Variants in STPG2 observed in about 807,000 individuals in gnomAD.
STPG2 encodes the protein sperm-tail PG-rich repeat-containing protein 2.
In STPG2, 56 loss-of-function variants were observed where a neutral mutation model predicts 54.2. That is an observed-to-expected ratio of 1.03 (90% CI 0.83 to 1.29). STPG2 has a LOEUF of 1.29. Among genes scored for constraint, STPG2 ranks in the 50% most tolerant of loss-of-function variants. The pLI, the probability that STPG2 is intolerant of heterozygous loss-of-function variation, is 0.00. For synonymous variants in STPG2, 200 were observed against 181.8 expected (o/e 1.10, Z -0.81); for missense variants, 596 against 544.9 (o/e 1.09, Z -0.93).
intron 5 of STPG2, among the ~76,000 whole-genome samples, chr4:98,102,513 T>TA (rs35666488): frequency 0.39 from 59,274 of 151,622 alleles, 11,827 homozygotes; most frequent in Middle Eastern, 0.46. Flanking sequence ...TTCCTTTTCA[T>TA]AAAAAAAGAG....
chr4:98,021,728 T>A (rs541605447), intron 5 of STPG2, among the ~76,000 whole-genome samples: 32 of 152,054 alleles, frequency 2.1e-4, no homozygotes, highest in African/African-American at 7.0e-4. Context: ...ATATTTAGGA[T>A]AGTTAGCTCT....
At chr4:97,594,133 G>C (rs556783332) in intron 10 of STPG2, among the ~76,000 whole-genome samples, 2 of 152,272 alleles carry the variant, frequency 1.3e-5, no homozygotes, top group Admixed American at 6.5e-5. Flanking sequence ...CCCCAGCAAT[G>C]GTTTTTAACA....
At chr4:97,498,617 G>T (rs1469354723) in intron 4 of STPG2, among the ~76,000 whole-genome samples, 1 of 145,590 alleles carries the variant, frequency 6.9e-6, no homozygotes, top group Non-Finnish European at 1.5e-5. Context: ...AAAGCAACCT[G>T]AAAAAAAAAA....
chr4:98,070,843 T>C (rs745686890), intron 5 of STPG2, among the ~76,000 whole-genome samples: 1 of 152,070 alleles, frequency 6.6e-6, no homozygotes, highest in African/African-American at 2.4e-5. Context: ...TACAAACCAC[T>C]GCTTAAGGAA....
intron 10 of STPG2, among the ~76,000 whole-genome samples, chr4:97,691,514 C>T (rs1034173445): frequency 1.3e-5 from 2 of 152,030 alleles, no homozygotes; most frequent in South Asian, 4.1e-4. Context: ...TCACAGCAGA[C>T]CCAGCAAGCC....
intron 5 of STPG2, among the ~76,000 whole-genome samples, chr4:98,023,493 A>C (rs1461270826): frequency 6.6e-6 from 1 of 152,158 alleles, no homozygotes; most frequent in African/African-American, 2.4e-5. Context: ...GAACCACTTG[A>C]GGAGACAGTC....
At chr4:98,021,589 A>G (rs1167248073) in intron 5 of STPG2, among the ~76,000 whole-genome samples, 1 of 152,066 alleles carries the variant, frequency 6.6e-6, no homozygotes, top group African/African-American at 2.4e-5. Context: ...TTTCTGTCTC[A>G]TTGATCGGTC....
intron 9 of STPG2, among the ~76,000 whole-genome samples, chr4:97,739,845 C>A (rs1725160954): frequency 6.6e-6 from 1 of 151,990 alleles, no homozygotes; most frequent in African/African-American, 2.4e-5. Context: ...AAGAGGGAAT[C>A]CTCCCTAACT....
In STPG2 at chr4:97,480,496, A is replaced by C. The variant is rs529724366; in HGVS notation, c.462+232203T>G. Among the ~76,000 whole-genome samples the C allele has an allele frequency of 3.3e-5, 5 of 151,688 alleles. No individual in the cohort carries two copies. The South Asian group carries it at 8.3e-4, about 25-fold the overall frequency. On this transcript the variant is annotated intron_variant, in intron 4 of 4. Transcript: ENST00000522676. ...AATACCTCAATACAAAAACCAGATA[A>C]AAACATTATAAAAAACATATTGGTC... is the stretch of plus-strand genomic sequence containing the variant.
chr4:98,113,227 C>A (rs764668363), intron 3 of STPG2, among the ~76,000 whole-genome samples: 3 of 152,008 alleles, frequency 2.0e-5, no homozygotes, highest in Non-Finnish European at 2.9e-5. Context: ...TGGCAAGAGA[C>A]TGAAGTGCCT....
chr4:97,448,596 C>T (rs560021625), intron 4 of STPG2, among the ~76,000 whole-genome samples: 1 of 152,272 alleles, frequency 6.6e-6, no homozygotes, highest in Admixed American at 6.5e-5. Context: ...GTACTTGCTT[C>T]TCATATGCCT....
chr4:97,681,809 ATGTC>A lies in STPG2; in HGVS notation c.1320+30886_1320+30889del, dbSNP rs548163161. Among the ~76,000 whole-genome samples, 233 of 151,774 alleles carry A rather than the reference ATGTC, an allele frequency of 1.5e-3. 1 individual carries two copies. Among genetic ancestry groups the A allele is most frequent in the South Asian group, 1.0e-2 (48 of 4,808 alleles). ...TTTAATGTATTTTTATGTCCTGTTG[ATGTC>A]TGTCTTTTTCTTCTGTGATGTAACA... On this transcript the variant is annotated intron_variant, in intron 10 of 10. Transcript: ENST00000295268.
intron 9 of STPG2, among the ~76,000 whole-genome samples, chr4:97,742,105 A>G (rs1364863057): frequency 1.3e-5 from 2 of 152,028 alleles, no homozygotes; most frequent in Non-Finnish European, 2.9e-5. Flanking sequence ...TCAGTAAACT[A>G]TCGCAAGAAA....
chr4:97,784,175 A>G (rs1389667232), intron 9 of STPG2, among the ~76,000 whole-genome samples: 2 of 152,020 alleles, frequency 1.3e-5, no homozygotes, highest in African/African-American at 4.8e-5. Flanking sequence ...GAATCTATCA[A>G]TCAGCCAAAA....
chr4:97,588,199 G>A (rs139760096), intron 10 of STPG2, among the ~76,000 whole-genome samples: 6 of 151,546 alleles, frequency 4.0e-5, no homozygotes, highest in Admixed American at 1.3e-4. Context: ...CCAATATGAC[G>A]AACCCCATCT....
In STPG2 at chr4:97,846,595, A is replaced by T. The variant is rs534751230; in HGVS notation, c.1045-5663T>A. ...AGCCGAGACGGTGCCACTGCACTCCAGACTGGCAACAGTGTGAGACTCCAC... is the reference window on the plus strand; with the variant it reads ...AGCCGAGACGGTGCCACTGCACTCCTGACTGGCAACAGTGTGAGACTCCAC... On this transcript the variant is annotated intron_variant, in intron 8 of 10. Coordinates refer to ENST00000295268, the MANE Select transcript of STPG2 (RefSeq NM_174952.3). 2.8e-5 allele frequency among the ~76,000 whole-genome samples: 4 copies of T among 145,270 alleles called. No individual in the cohort carries two copies. In the South Asian group the frequency reaches 9.1e-4, roughly 33 times the overall value.
chr4:97,698,618 C>T (rs72892890), intron 10 of STPG2, among the ~76,000 whole-genome samples: 3,171 of 152,148 alleles, frequency 0.021, 109 homozygotes, highest in African/African-American at 0.072. Context: ...TGATGAGTGA[C>T]GCCACTTCCA....
intron 8 of STPG2, among the ~76,000 whole-genome samples, chr4:97,914,217 C>T (rs1377253515): frequency 6.6e-6 from 1 of 152,036 alleles, no homozygotes; most frequent in Non-Finnish European, 1.5e-5. Flanking sequence ...AAACTGATTG[C>T]TCATCATATA....
rs536229010 is a variant in STPG2, at chr4:97,699,616, G to A, written c.1320+13083C>T. ...TGCATAACCAGGTGCACTGCTCAAA[G>A]TTCTGCCCACTGAGGAGAGTTCCCT... is the stretch of plus-strand genomic sequence containing the variant. On this transcript the variant is annotated intron_variant, in intron 10 of 10. Coordinates refer to ENST00000295268, the MANE Select transcript of STPG2 (RefSeq NM_174952.3). Among the ~76,000 whole-genome samples the A allele has an allele frequency of 7.2e-4, 109 of 152,304 alleles. 3 individuals are homozygous for A. Among genetic ancestry groups the A allele is most frequent in the African/African-American group, 2.4e-3 (101 of 41,566 alleles).
Sources: allele counts gnomAD v4.1 joint callset (sites outside exome capture counted in the v4.1 genomes callset), GRCh38; gene constraint gnomAD v4.1.1; transcripts MANE v1.5; gene names NCBI Gene and HGNC (gene_info 2026-07-23, HGNC 2026-07-21).